Variants in KCTD7 observed in about 807,000 individuals in gnomAD.
KCTD7 encodes the protein BTB/POZ domain-containing protein KCTD7.
Under a neutral mutation model 27.0 loss-of-function variants are expected in KCTD7, and 15 were observed. The observed-to-expected ratio is 0.56, with a 90% CI of 0.37 to 0.86. The LOEUF is 0.86. Ranked by LOEUF, KCTD7 falls within the 40% of genes least tolerant of loss-of-function variation. The pLI is 0.00. For missense variants in KCTD7, 299 were observed against 398.9 expected (o/e 0.75, Z 2.13); for synonymous variants, 159 against 162.7 (o/e 0.98, Z 0.17).
Position 66,629,000 on chromosome 7 carries a change from AG to A in KCTD7, c.-62del. On this transcript the variant is annotated 5_prime_UTR_variant, in exon 1 of 4. Coordinates refer to ENST00000639828, the MANE Select transcript of KCTD7 (RefSeq NM_153033.5). Reference sequence around the variant, plus strand: ...GTCATGCCAGGCGCTGCTCGGCGGTAGGGAGTGCCCGGGGCCGCCGCCTCCG... The same window carrying A: ...GTCATGCCAGGCGCTGCTCGGCGGTAGGAGTGCCCGGGGCCGCCGCCTCCG... The A allele has an allele frequency of 6.9e-7, 1 of 1,444,124 alleles. No individual in the cohort carries two copies. Among genetic ancestry groups the A allele is most frequent in the Admixed American group, 2.4e-5 (1 of 41,936 alleles). 89.5% of individuals were successfully genotyped at this position (1,444,124 alleles called of 1,614,324 possible).
In KCTD7 at chr7:66,639,661, G is replaced by C. The variant is rs1484634329; in HGVS notation, c.*429G>C. On this transcript the variant is annotated 3_prime_UTR_variant, in exon 4 of 4. Transcript: ENST00000639828. ...TCCCTCCCTTGTGCTCAGTATATTG[G>C]TGTGAACACGGAACATGATGGGGGA... 1 of 1,300,998 alleles carries C rather than the reference G, an allele frequency of 7.7e-7. No homozygotes were observed. The highest frequency in any genetic ancestry group is 3.0e-5 in the East Asian group (1 of 33,342). The allele number at this position is 1,300,998 out of a possible 1,614,324, so 80.6% of individuals were successfully genotyped here.
intron 1 of KCTD7, among the ~76,000 whole-genome samples, chr7:66,629,484 T>A (rs549329614): frequency 2.0e-5 from 3 of 149,170 alleles, no homozygotes; most frequent in African/African-American, 7.4e-5. Flanking sequence ...CATCGCCATG[T>A]CCCACTTTTA....
chr7:66,631,538 C>T (rs561208085), intron 1 of KCTD7, among the ~76,000 whole-genome samples: 2 of 148,024 alleles, frequency 1.4e-5, no homozygotes, highest in South Asian at 4.3e-4. Flanking sequence ...CATTGCACTC[C>T]AGCCTGGGTG....
At chr7:66,634,079 C>CAT (rs200914825) in intron 2 of KCTD7, among the ~76,000 whole-genome samples, 5,278 of 141,984 alleles carry the variant, frequency 0.037, 150 homozygotes, top group East Asian at 0.08. Flanking sequence ...TACATGCACA[C>CAT]ATATATATAT....
In KCTD7 at chr7:66,641,650, G is replaced by A. The variant is rs1008490972; in HGVS notation, c.*2418G>A. ...TGCCACTGTAGGACACAAGGCTCTG[G>A]GCCAGTAGAACAGGCAGAGAGGTGA... On this transcript the variant is annotated 3_prime_UTR_variant, in exon 4 of 4. Coordinates refer to ENST00000639828, the MANE Select transcript of KCTD7 (RefSeq NM_153033.5). The A allele has an allele frequency of 2.1e-5, 21 of 985,204 alleles. No homozygotes were observed. The highest frequency in any genetic ancestry group is 2.3e-5 in the Non-Finnish European group (19 of 829,906). 61.0% of individuals were successfully genotyped at this position (985,204 alleles called of 1,614,324 possible).
chr7:66,638,735 C>G (rs1404242648), intron 3 of KCTD7, 121 bp from the exon 4 acceptor site: 6 of 1,267,338 alleles, frequency 4.7e-6, no homozygotes, highest in Non-Finnish European at 6.7e-6. Flanking sequence ...GAGTCCCTTC[C>G]CCGGGAAATC....
intron 2 of KCTD7, among the ~76,000 whole-genome samples, chr7:66,634,472 A>C (rs542368426): frequency 1.1e-4 from 16 of 152,084 alleles, no homozygotes; most frequent in African/African-American, 3.4e-4. Context: ...CTCCTGGCTC[A>C]AGCAGTCTTC....
In KCTD7 at chr7:66,640,912, T is replaced by A; in HGVS notation, c.*1680T>A. 2 of 985,640 alleles carry A rather than the reference T, an allele frequency of 2.0e-6. No individual in the cohort carries two copies. The highest frequency in any genetic ancestry group is 2.4e-6 in the Non-Finnish European group (2 of 830,160). 61.1% of individuals were successfully genotyped at this position (985,640 alleles called of 1,614,324 possible). On this transcript the variant is annotated 3_prime_UTR_variant, in exon 4 of 4. Coordinates refer to ENST00000639828, the MANE Select transcript of KCTD7 (RefSeq NM_153033.5). ...TACAGGACCAGATAGACAAGATGGGTATAAGGGGAGCTGAAGTCTGTGTTC... is the reference window on the plus strand; with the variant it reads ...TACAGGACCAGATAGACAAGATGGGAATAAGGGGAGCTGAAGTCTGTGTTC...
rs1786664398 is a variant in KCTD7, at chr7:66,639,479, A to G, written c.*247A>G. On this transcript the variant is annotated 3_prime_UTR_variant, in exon 4 of 4. Transcript: ENST00000639828. Reference sequence around the variant, plus strand: ...CGCTCACCTGGCCTTTCCTCAAGGCATGGTAGTCTTTCCTTGAGGCTGATA... The same window carrying G: ...CGCTCACCTGGCCTTTCCTCAAGGCGTGGTAGTCTTTCCTTGAGGCTGATA... 1.4e-6 allele frequency: 2 copies of G among 1,419,550 alleles called. No homozygotes were observed. The highest frequency in any genetic ancestry group is 5.7e-5 in the Admixed American group (2 of 35,348). The allele number at this position is 1,419,550 out of a possible 1,614,324, so 87.9% of individuals were successfully genotyped here. A position where few individuals can be genotyped will look rare whatever the true frequency, so the allele number is the denominator to read the frequency against.
At chr7:66,632,318 T>A (rs186015442) in intron 1 of KCTD7, among the ~76,000 whole-genome samples, 1 of 151,518 alleles carries the variant, frequency 6.6e-6, no homozygotes, top group Non-Finnish European at 1.5e-5. Context: ...AAACCCTATC[T>A]CTACTAAAAA....
At chr7:66,629,348 C>T (rs1786391299) in intron 1 of KCTD7, 140 bp downstream of exon 1, 1 of 567,588 alleles carries the variant, frequency 1.8e-6, no homozygotes, top group African/African-American at 2.0e-5. Flanking sequence ...CCCCCGCCCA[C>T]CTGCAACTCC....
In KCTD7 at chr7:66,639,478, C is replaced by T; in HGVS notation, c.*246C>T. ...GCGCTCACCTGGCCTTTCCTCAAGG[C>T]ATGGTAGTCTTTCCTTGAGGCTGAT... On this transcript the variant is annotated 3_prime_UTR_variant, in exon 4 of 4. Coordinates refer to ENST00000639828, the MANE Select transcript of KCTD7 (RefSeq NM_153033.5). The T allele has an allele frequency of 7.0e-7, 1 of 1,420,472 alleles. No individual in the cohort carries two copies. Among genetic ancestry groups the T allele is most frequent in the South Asian group, 1.5e-5 (1 of 67,280 alleles). The allele number at this position is 1,420,472 out of a possible 1,614,324, so 88.0% of individuals were successfully genotyped here. A position where few individuals can be genotyped will look rare whatever the true frequency, so the allele number is the denominator to read the frequency against.
intron 1 of KCTD7, among the ~76,000 whole-genome samples, chr7:66,630,140 G>A (rs1450845656): frequency 6.6e-6 from 1 of 152,110 alleles, no homozygotes. Flanking sequence ...GGTGGTGTGT[G>A]CCTGTAGTCC....
rs1786379326 is a variant in KCTD7 at position 66,629,053 on chromosome 7, A to C, written c.-12A>C. On this transcript the variant is annotated 5_prime_UTR_variant, in exon 1 of 4. Coordinates refer to ENST00000639828, the MANE Select transcript of KCTD7 (RefSeq NM_153033.5). ...CCGCCCGAAGCCGCGCCCACTGCCC[A>C]GAGCCAGAGGGATGGTGGTAGTCAC... 2.0e-6 allele frequency: 3 copies of C among 1,506,388 alleles called. No homozygotes were observed. The highest frequency in any genetic ancestry group is 2.9e-5 in the African/African-American group (2 of 69,434). The allele number at this position is 1,506,388 out of a possible 1,614,324, so 93.3% of individuals were successfully genotyped here.
rs749343374 is a variant in KCTD7, at chr7:66,633,260, G to T, written c.145-15G>T. 1.1e-5 allele frequency: 18 copies of T among 1,613,652 alleles called. No homozygotes were observed. The Admixed American group carries it at 3.0e-4, about 27-fold the overall frequency. ...CCCCGTTGCCTGCCTGAGAGCCCTG[G>T]TGATTTCTTTCCAGTTTCCTGAGGT... On this transcript the variant is annotated splice_polypyrimidine_tract_variant and intron_variant, in intron 1 of 3. Transcript: ENST00000639828.
rs1431193977 is a variant in KCTD7, at chr7:66,639,544, C to G, written c.*312C>G. ...AGGAAGTCCCGAGAAGTTTTGTCAC[C>G]TTCTTGACCTTGCAAGAGAGTTTCT... On this transcript the variant is annotated 3_prime_UTR_variant, in exon 4 of 4. Transcript: ENST00000639828. 4 of 1,369,652 alleles carry G rather than the reference C, an allele frequency of 2.9e-6. No homozygotes were observed. In the South Asian group the frequency reaches 6.1e-5, roughly 21 times the overall value. The allele number at this position is 1,369,652 out of a possible 1,614,324, so 84.8% of individuals were successfully genotyped here. A position where few individuals can be genotyped will look rare whatever the true frequency, so the allele number is the denominator to read the frequency against.
chr7:66,628,886 G>C lies in KCTD7; in HGVS notation c.-179G>C. 2 of 497,144 alleles carry C rather than the reference G, an allele frequency of 4.0e-6. No homozygotes were observed. Among genetic ancestry groups the C allele is most frequent in the Non-Finnish European group, 6.4e-6 (2 of 310,204 alleles). The allele number at this position is 497,144 out of a possible 1,614,324, so 30.8% of individuals were successfully genotyped here. On this transcript the variant is annotated 5_prime_UTR_variant, in exon 1 of 4. Transcript: ENST00000639828. ...AGGCGGTCGGGTCAGGCCCCAGCTG[G>C]GCGCGAGCGGGTCGGCGTTGAGGGA...
chr7:66,633,290 C>T lies in KCTD7; in HGVS notation c.160C>T (p.Pro54Ser), dbSNP rs776037212. ...LLPQEFPEVV[P>S]LNIGGAHFTT... ...TTCTTTCCAGTTTCCTGAGGTTGTT[C>T]CCCTTAACATCGGAGGGGCTCACTT... Residue 54 changes from proline to serine, a missense_variant, in exon 2 of 4, where the codon CCC becomes TCC. Transcript: ENST00000639828. 3 of 1,613,762 alleles carry T rather than the reference C, an allele frequency of 1.9e-6. No individual in the cohort carries two copies. Among genetic ancestry groups the T allele is most frequent in the African/African-American group, 1.3e-5 (1 of 74,888 alleles).
rs1786493881 is a variant in KCTD7, at chr7:66,633,175, G to A, written c.145-100G>A. On this transcript the variant is annotated intron_variant, in intron 1 of 3. Coordinates refer to ENST00000639828, the MANE Select transcript of KCTD7 (RefSeq NM_153033.5). ...GACCCGTGGGCTTGAGTGACTGAATGAATGGTGTGGCACCAATCAGACCCC... is the reference window on the plus strand; with the variant it reads ...GACCCGTGGGCTTGAGTGACTGAATAAATGGTGTGGCACCAATCAGACCCC... The A allele has an allele frequency of 4.1e-6, 5 of 1,217,898 alleles. No homozygotes were observed. In the South Asian group the frequency reaches 6.2e-5, roughly 15 times the overall value. The allele number at this position is 1,217,898 out of a possible 1,614,324, so 75.4% of individuals were successfully genotyped here.
Sources: gnomAD v4.1 joint callset for allele counts (sites outside exome capture counted in the v4.1 genomes callset) on GRCh38, gnomAD v4.1.1 for gene constraint, MANE v1.5 for transcripts, NCBI Gene and HGNC (gene_info 2026-07-23, HGNC 2026-07-21) for gene names.